The following SNX33 variants were observed in gnomAD, a reference collection of about 807,000 sequenced individuals.
SNX33 encodes sorting nexin-33.
SNX33 carries 19 observed loss-of-function variants against 38.8 expected under a neutral mutation model. The observed-to-expected ratio is 0.49, with a 90% confidence interval of 0.34 to 0.72. SNX33 has a LOEUF of 0.72. Ranked by LOEUF, SNX33 falls within the 30% of genes least tolerant of loss-of-function variation. SNX33 has a pLI of 0.01. For missense variants in SNX33, 641 were observed against 776.4 expected (o/e 0.83, Z 2.07); for synonymous variants, 246 against 289.7 (o/e 0.85, Z 1.53).
chr15:75,656,126 G>A lies in SNX33; in HGVS notation c.1472-836G>A, dbSNP rs768853934. ...GGCTGGGATGAGGAGGGAACAGGGC[G>A]TGCATGTCTGGGAGATACACCAGGT... On this transcript the variant is annotated intron_variant, in intron 1 of 1. Coordinates refer to ENST00000308527, the MANE Select transcript of SNX33 (RefSeq NM_153271.2). 3.1e-4 allele frequency among the ~76,000 whole-genome samples: 47 copies of A among 152,264 alleles called. 1 individual carries two copies. Among genetic ancestry groups the A allele is most frequent in the Non-Finnish European group, 3.1e-4 (21 of 68,002 alleles).
In SNX33 at chr15:75,662,291, A is replaced by C. The variant is rs1840265626; in HGVS notation, c.*5076A>C. 1 of 152,186 alleles carries C rather than the reference A, an allele frequency of 6.6e-6. No homozygotes were observed. 9.4% of individuals were successfully genotyped at this position (152,186 alleles called of 1,614,324 possible). On this transcript the variant is annotated 3_prime_UTR_variant, in exon 2 of 2. Coordinates refer to ENST00000308527, the MANE Select transcript of SNX33 (RefSeq NM_153271.2). ...TCTTGTAGATACTTAATTAAACGGTATTAATTTTGATTTTGCCCCTTTCTG... is the reference window on the plus strand; with the variant it reads ...TCTTGTAGATACTTAATTAAACGGTCTTAATTTTGATTTTGCCCCTTTCTG...
rs1360223574 is a variant in SNX33 at position 75,659,990 on chromosome 15, A to C, written c.*2775A>C. ...AACTTGGGGCCGTTCTGGGGTAGCT[A>C]AGCCCCTTTCAGCAGGAGATTGGGG... On this transcript the variant is annotated 3_prime_UTR_variant, in exon 2 of 2. Coordinates refer to ENST00000308527, the MANE Select transcript of SNX33 (RefSeq NM_153271.2). 1 of 151,734 alleles carries C rather than the reference A, an allele frequency of 6.6e-6. No homozygotes were observed. Among genetic ancestry groups the C allele is most frequent in the Admixed American group, 6.6e-5 (1 of 15,230 alleles). The allele number at this position is 151,734 out of a possible 1,614,324, so 9.4% of individuals were successfully genotyped here.
chr15:75,655,579 C>T (rs899615804), intron 1 of SNX33, among the ~76,000 whole-genome samples: 1 of 152,200 alleles, frequency 6.6e-6, no homozygotes, highest in African/African-American at 2.4e-5. Flanking sequence ...ATGGATGTTG[C>T]CCCTTCTAAA....
chr15:75,652,740 C>T (rs1047544221), intron 1 of SNX33, among the ~76,000 whole-genome samples: 1 of 152,354 alleles, frequency 6.6e-6, no homozygotes, highest in Middle Eastern at 3.4e-3. Flanking sequence ...CTGGCTTACT[C>T]TAAGTTCTGG....
At position 75,648,828 on chromosome 15, in the gene SNX33, C is replaced by A; in HGVS notation, c.-275C>A. ...AGATTCCCCTCTAACCCCCCAGAGGCTGCTAAGGGAGGAGGAGACTGTGGA... is the reference window on the plus strand; with the variant it reads ...AGATTCCCCTCTAACCCCCCAGAGGATGCTAAGGGAGGAGGAGACTGTGGA... On this transcript the variant is annotated 5_prime_UTR_variant, in exon 1 of 2. The change creates a new upstream start codon in the 5' untranslated region. Coordinates refer to ENST00000308527, the MANE Select transcript of SNX33 (RefSeq NM_153271.2). This position sits in a 1 kb window ranked among gnomAD's most constrained non-coding sequence, Gnocchi z 4.4. 1 of 346,836 alleles carries A rather than the reference C, an allele frequency of 2.9e-6. No homozygotes were observed. Among genetic ancestry groups the A allele is most frequent in the Non-Finnish European group, 5.1e-6 (1 of 196,244 alleles). 21.5% of individuals were successfully genotyped at this position (346,836 alleles called of 1,614,324 possible).
At chr15:75,652,006 GTT>G (rs10706187) in intron 1 of SNX33, among the ~76,000 whole-genome samples, 13 of 132,858 alleles carry the variant, frequency 9.8e-5, no homozygotes, top group Admixed American at 1.4e-4. Context: ...CTTTCTTTCT[GTT>G]TTTTTTTTTT....
In SNX33 at chr15:75,650,113, T is replaced by G; in HGVS notation, c.1011T>G (p.Asp337Glu). The G allele has an allele frequency of 1.2e-6, 2 of 1,614,068 alleles. No individual in the cohort carries two copies. The highest frequency in any genetic ancestry group is 1.7e-6 in the Non-Finnish European group (2 of 1,179,990). The change falls in exon 1 of 2, where the codon GAT (aspartate) becomes GAG (glutamate). Residue 337 changes from aspartate (D) to glutamate (E), a missense_variant. Asp to Glu is a conservative substitution (Grantham distance 45, BLOSUM62 2). Transcript: ENST00000308527. The surrounding 1 kb of genome is among the most constrained non-coding windows in gnomAD (Gnocchi z 6.1). Reference sequence around the variant, plus strand: ...TCCAGCATTTCCTCAGCTGCCTGGATGACAAGCAGTGGAAGATGGGCAAAC... The same window carrying G: ...TCCAGCATTTCCTCAGCTGCCTGGAGGACAAGCAGTGGAAGATGGGCAAAC... Reference protein sequence around the residue: ...EGFQHFLSCLDDKQWKMGKRR... With the variant: ...EGFQHFLSCLEDKQWKMGKRR...
chr15:75,651,084 C>T (rs546077096), intron 1 of SNX33, among the ~76,000 whole-genome samples: 1 of 152,312 alleles, frequency 6.6e-6, no homozygotes, highest in East Asian at 1.9e-4. Flanking sequence ...CATAGATGAC[C>T]AGGCCCCAGG....
At position 75,657,033 on chromosome 15, in the gene SNX33, G is replaced by A. The variant is rs772077671; in HGVS notation, c.1543G>A (p.Gly515Ser). The A allele has an allele frequency of 2.0e-5, 32 of 1,614,012 alleles. No homozygotes were observed. The Admixed American group carries it at 3.3e-4, about 17-fold the overall frequency. ...CCGCATGGTGCAGGACGAGGCAGACGGCATTCGCAGGCGCTGCCGCGTGGT... is the reference window on the plus strand; with the variant it reads ...CCGCATGGTGCAGGACGAGGCAGACAGCATTCGCAGGCGCTGCCGCGTGGT... ...EGRMVQDEAD[G>S]IRRRCRVVGF... Residue 515 changes from glycine to serine, a missense_variant, in exon 2 of 2, where the codon GGC (glycine) becomes AGC (serine). Physicochemically the swap from Gly to Ser is moderately conservative, Grantham distance 56 (BLOSUM62 0). This residue lies in a region of SNX33 where 398 missense variants were observed against 542.5 expected (regional missense o/e 0.73). Transcript: ENST00000308527. The surrounding 1 kb of genome is among the most constrained non-coding windows in gnomAD (Gnocchi z 5.5).
intron 1 of SNX33, among the ~76,000 whole-genome samples, chr15:75,656,251 G>C (rs2141399867): frequency 6.6e-6 from 1 of 152,306 alleles, no homozygotes; most frequent in East Asian, 1.9e-4. Flanking sequence ...CAGGGGAACT[G>C]GGAGAGGCTC....
At position 75,650,559 on chromosome 15, in the gene SNX33, T is replaced by C. The variant is rs774999004; in HGVS notation, c.1457T>C (p.Ile486Thr). The change falls in exon 1 of 2, where the codon ATC becomes ACC. Residue 486 changes from isoleucine to threonine, a missense_variant. Ile to Thr is a moderately conservative substitution (Grantham distance 89). Coordinates refer to ENST00000308527, the MANE Select transcript of SNX33 (RefSeq NM_153271.2). This position sits in a 1 kb window ranked among gnomAD's most constrained non-coding sequence, Gnocchi z 6.1. ...QGLLSNFPDIIHLQKGAFAKV... is the reference protein window; with the variant it reads ...QGLLSNFPDITHLQKGAFAKV... ...CTGCTCTCCAACTTCCCTGACATCA[T>C]CCATCTACAAAAAGGTAAGGCCCAG... 5 of 1,597,912 alleles carry C rather than the reference T, an allele frequency of 3.1e-6. No individual in the cohort carries two copies. The Admixed American group carries it at 6.9e-5, about 22-fold the overall frequency.
Position 75,648,994 on chromosome 15 carries a change from C to T in SNX33, c.-109C>T. The T allele has an allele frequency of 7.3e-7, 1 of 1,361,796 alleles. No individual in the cohort carries two copies. 84.4% of individuals were successfully genotyped at this position (1,361,796 alleles called of 1,614,324 possible). ...CCACCTTAGGACCTGAGAGATTGAA[C>T]TGTGTAAGCGCCATTCAGCTGCGAG... is the stretch of plus-strand genomic sequence containing the variant. On this transcript the variant is annotated 5_prime_UTR_variant, in exon 1 of 2. Coordinates refer to ENST00000308527, the MANE Select transcript of SNX33 (RefSeq NM_153271.2). The surrounding 1 kb of genome is among the most constrained non-coding windows in gnomAD (Gnocchi z 4.4).
chr15:75,651,952 G>A (rs574323095), intron 1 of SNX33, among the ~76,000 whole-genome samples: 1 of 152,026 alleles, frequency 6.6e-6, no homozygotes, highest in African/African-American at 2.4e-5. Context: ...AACTTCTCCA[G>A]CTCCCAGCCT....
intron 1 of SNX33, among the ~76,000 whole-genome samples, chr15:75,653,395 G>A (rs909088802): frequency 6.6e-6 from 1 of 152,166 alleles, no homozygotes; most frequent in Non-Finnish European, 1.5e-5. Context: ...GGCAAGCTGG[G>A]ACGTATGGAC....
Position 75,650,712 on chromosome 15 carries a change from G to A in SNX33, c.1471+139G>A. ...AATCATTCATTTAACAAATGTGTTG[G>A]GCTGGGCACGGTGGCTTACGCTTGT... On this transcript the variant is annotated intron_variant, in intron 1 of 1. Transcript: ENST00000308527. This position sits in a 1 kb window ranked among gnomAD's most constrained non-coding sequence, Gnocchi z 6.1. 1 of 1,212,834 alleles carries A rather than the reference G, an allele frequency of 8.2e-7. No homozygotes were observed. The highest frequency in any genetic ancestry group is 1.1e-6 in the Non-Finnish European group (1 of 904,588). 75.1% of individuals were successfully genotyped at this position (1,212,834 alleles called of 1,614,324 possible).
intron 1 of SNX33, among the ~76,000 whole-genome samples, chr15:75,652,002 T>G (rs1595999024): frequency 1.5e-5 from 2 of 136,966 alleles, no homozygotes; most frequent in Admixed American, 1.5e-4. Flanking sequence ...CTTCCTTTCT[T>G]TCTGTTTTTT....
At position 75,650,411 on chromosome 15, in the gene SNX33, GA is replaced by G. The variant is rs1215152287; in HGVS notation, c.1310del (p.Glu437GlyfsTer60). 1 of 1,613,978 alleles carries G rather than the reference GA, an allele frequency of 6.2e-7. No homozygotes were observed. The highest frequency in any genetic ancestry group is 2.2e-5 in the East Asian group (1 of 44,886). On this transcript the variant is annotated frameshift_variant, in exon 1 of 2. Transcript: ENST00000308527. LOFTEE classifies it high-confidence loss of function. This position sits in a 1 kb window ranked among gnomAD's most constrained non-coding sequence, Gnocchi z 6.1. ...CCAGATGGACCCCCCCTTTTGCTCT[GA>G]GGCCCTCAACAGTGCCATTTCTCAC... Reference protein sequence around the residue: ...SFQMDPPFCSEALNSAISHTG... With the variant: ...SFQMDPPFCSXALNSAISHTG...
intron 1 of SNX33, among the ~76,000 whole-genome samples, chr15:75,651,746 C>T (rs1169146530): frequency 2.0e-5 from 3 of 152,356 alleles, no homozygotes; most frequent in African/African-American, 4.8e-5. Context: ...AACTCGTCTG[C>T]AGGGCGTGGA....
Position 75,662,198 on chromosome 15 carries a change from C to T in SNX33, c.*4983C>T, listed in dbSNP as rs1893731103. ...TGCATTTTAAAGGCTGAATCCCACA[C>T]TCTATCATACATATTAATATTTACC... On this transcript the variant is annotated 3_prime_UTR_variant, in exon 2 of 2. Coordinates refer to ENST00000308527, the MANE Select transcript of SNX33 (RefSeq NM_153271.2). 1 of 152,176 alleles carries T rather than the reference C, an allele frequency of 6.6e-6. No individual in the cohort carries two copies. The highest frequency in any genetic ancestry group is 2.4e-5 in the African/African-American group (1 of 41,438). The allele number at this position is 152,176 out of a possible 1,614,324, so 9.4% of individuals were successfully genotyped here.
Sources: allele counts gnomAD v4.1 joint callset (sites outside exome capture counted in the v4.1 genomes callset), GRCh38; gene constraint gnomAD v4.1.1; regional missense constraint gnomAD v4.1.1; non-coding constraint Gnocchi (gnomAD v3.1); transcripts MANE v1.5; gene names NCBI Gene and HGNC (gene_info 2026-07-23, HGNC 2026-07-21).